Variants in KPTN observed in about 807,000 individuals in gnomAD.
KPTN encodes kaptin, actin binding protein.
KPTN carries 36 observed loss-of-function variants against 52.6 expected under a neutral mutation model. The observed-to-expected ratio is 0.68, with a 90% CI of 0.52 to 0.90. The LOEUF (loss-of-function observed/expected upper bound fraction) is 0.90. Ranked by LOEUF, KPTN falls within the 40% of genes least tolerant of loss-of-function variation. The probability of loss-of-function intolerance (pLI) is 0.00; values close to 1 mark genes in which losing one functional copy is unlikely to be tolerated. For missense variants in KPTN, 529 were observed against 576.2 expected (o/e 0.92, Z 0.84); for synonymous variants, 271 against 248.4 (o/e 1.09, Z -0.85).
Position 47,480,838 on chromosome 19 carries a change from G to A in KPTN, c.526-5C>T, listed in dbSNP as rs537044666. ...AAACTGATGCAGCCCCTCGTTCTGG[G>A]GAAACCAAGACCCACCCCACCCCCG... On this transcript the variant is annotated splice_region_variant and splice_polypyrimidine_tract_variant and intron_variant, in intron 5 of 11. Coordinates refer to ENST00000338134, the MANE Select transcript of KPTN (RefSeq NM_007059.4). 167 of 1,613,920 alleles carry A rather than the reference G, an allele frequency of 1.0e-4. 1 individual carries two copies. Among genetic ancestry groups the A allele is most frequent in the Middle Eastern group, 1.6e-4 (1 of 6,062 alleles).
intron 4 of KPTN, 117 bp from the exon 5 acceptor site, chr19:47,481,150 C>T (rs1395437026): frequency 1.3e-6 from 1 of 772,794 alleles, no homozygotes; most frequent in Non-Finnish European, 2.2e-6. Context: ...GGGATCCAGA[C>T]ACTAGACCCA....
At chr19:47,485,224 G>A (rs1048174313), upstream of KPTN, among the ~76,000 whole-genome samples, 1 of 152,088 alleles carries the variant, frequency 6.6e-6, no homozygotes, top group Non-Finnish European at 1.5e-5. Flanking sequence ...CTTTTACTAT[G>A]TGCCCGGACG....
At chr19:47,477,124 T>G (rs1967698908) in intron 9 of KPTN, among the ~76,000 whole-genome samples, 186 bp from the exon 10 acceptor site, 1 of 152,196 alleles carries the variant, frequency 6.6e-6, no homozygotes, top group South Asian at 2.1e-4. Flanking sequence ...GGTCAACCTG[T>G]GCACTCAAGC....
chr19:47,480,417 G>A lies in KPTN; in HGVS notation c.600-10C>T. On this transcript the variant is annotated splice_polypyrimidine_tract_variant and intron_variant, in intron 6 of 11. Transcript: ENST00000338134. ...GTCCAGCCAGAGGACGCTGGCGGGC[G>A]GGTGGATGGACAGGACGGACGGCCA... is the stretch of plus-strand genomic sequence containing the variant. The A allele has an allele frequency of 2.0e-6, 3 of 1,536,372 alleles. No homozygotes were observed. The highest frequency in any genetic ancestry group is 1.8e-6 in the Non-Finnish European group (2 of 1,137,872).
intron 9 of KPTN, 133 bp from the exon 10 acceptor site, chr19:47,477,071 C>T (rs947823611): frequency 3.4e-6 from 3 of 893,942 alleles, no homozygotes; most frequent in African/African-American, 3.3e-5. Flanking sequence ...GAAGCCTAGA[C>T]ATCATCATCT....
chr19:47,484,706 A>T (rs1054902212), upstream of KPTN, among the ~76,000 whole-genome samples: 24 of 129,140 alleles, frequency 1.9e-4, no homozygotes, highest in Admixed American at 4.0e-4. Flanking sequence ...ACAGTTCACT[A>T]TTTTTTTTTT....
intron 11 of KPTN, chr19:47,476,241 G>A (rs1967660681): frequency 1.4e-5 from 3 of 215,690 alleles, no homozygotes; most frequent in Non-Finnish European, 2.6e-5. Flanking sequence ...CCTGGGAGGT[G>A]GAGGTTGCAG....
intron 4 of KPTN, 85 bp downstream of exon 4, chr19:47,483,076 G>A (rs1178570423): frequency 5.5e-6 from 7 of 1,266,140 alleles, no homozygotes; most frequent in Non-Finnish European, 8.1e-6. Context: ...CAGACTACAG[G>A]GGTCTGTAAG....
At position 47,476,824 on chromosome 19, in the gene KPTN, G is replaced by A. The variant is rs1238871059; in HGVS notation, c.978C>T (p.Val326=). ...CCACCTGTCCATAGGTGGCCACCAGGACTTCTGGCCGCCCATCCAAATCCA... is the reference window on the plus strand; with the variant it reads ...CCACCTGTCCATAGGTGGCCACCAGAACTTCTGGCCGCCCATCCAAATCCA... ...TDVDLDGRPE[V]LVATYGQELL... Residue 326 remains valine, a synonymous_variant, in exon 10 of 12, where the codon GTC becomes GTT. Coordinates refer to ENST00000338134, the MANE Select transcript of KPTN (RefSeq NM_007059.4). 3.8e-6 allele frequency: 6 copies of A among 1,585,616 alleles called. No individual in the cohort carries two copies.
rs771041924 is a variant in KPTN at position 47,480,845 on chromosome 19, A to G, written c.526-12T>C. ...TGCAGCCCCTCGTTCTGGGGAAACCAAGACCCACCCCACCCCCGCTTAAGT... is the reference window on the plus strand; with the variant it reads ...TGCAGCCCCTCGTTCTGGGGAAACCGAGACCCACCCCACCCCCGCTTAAGT... On this transcript the variant is annotated splice_polypyrimidine_tract_variant and intron_variant, in intron 5 of 11. Transcript: ENST00000338134. The G allele has an allele frequency of 1.2e-6, 2 of 1,613,836 alleles. No individual in the cohort carries two copies. Among genetic ancestry groups the G allele is most frequent in the East Asian group, 2.2e-5 (1 of 44,834 alleles).
intron 11 of KPTN, 118 bp downstream of exon 11, chr19:47,476,414 C>A: frequency 1.3e-6 from 1 of 742,072 alleles, no homozygotes; most frequent in Non-Finnish European, 2.0e-6. Flanking sequence ...GGGAGTTGTC[C>A]TGACTGGTAG....
At chr19:47,485,668 T>A (rs1170823367), upstream of KPTN, among the ~76,000 whole-genome samples, 1 of 152,202 alleles carries the variant, frequency 6.6e-6, no homozygotes, top group Non-Finnish European at 1.5e-5. Flanking sequence ...AACTATGTGC[T>A]GAGCATGTAA....
At chr19:47,480,080 GC>G (rs1268250776) in intron 7 of KPTN, 140 bp from the exon 8 acceptor site, 3 of 241,056 alleles carry the variant, frequency 1.2e-5, no homozygotes, top group South Asian at 7.9e-5. Flanking sequence ...CCCTAGCCCC[GC>G]CCCCAATCCC....
chr19:47,482,532 T>C (rs1967918744), intron 4 of KPTN, among the ~76,000 whole-genome samples: 1 of 144,598 alleles, frequency 6.9e-6, no homozygotes. Flanking sequence ...AAAAAACAAA[T>C]GTAGAATCTG....
upstream of KPTN, chr19:47,484,437 G>A: frequency 1.9e-6 from 1 of 533,038 alleles, no homozygotes; most frequent in Non-Finnish European, 3.3e-6. Context: ...GGGAGGTGGT[G>A]GCCACGGCCT....
At chr19:47,485,288 G>A (rs145454982), upstream of KPTN, among the ~76,000 whole-genome samples, 2 of 152,270 alleles carry the variant, frequency 1.3e-5, no homozygotes, top group East Asian at 3.9e-4. Flanking sequence ...TCTACAAAGA[G>A]GTTTATTATC....
At chr19:47,482,904 G>A (rs1292036675) in intron 4 of KPTN, among the ~76,000 whole-genome samples, 2 of 151,960 alleles carry the variant, frequency 1.3e-5, no homozygotes, top group Non-Finnish European at 2.9e-5. Flanking sequence ...ACGGGGTTTC[G>A]CCATGTTGGC....
Position 47,480,289 on chromosome 19 carries a change from G to T in KPTN, c.709+9C>A. ...CCCACCCCTTACCCCGCCTCACCGC[G>T]GCCCTCACCTCGACTCCGCTGGTCC... On this transcript the variant is annotated intron_variant, in intron 7 of 11. Transcript: ENST00000338134. 1.5e-6 allele frequency: 2 copies of T among 1,302,380 alleles called. No individual in the cohort carries two copies. Among genetic ancestry groups the T allele is most frequent in the Non-Finnish European group, 2.0e-6 (2 of 981,332 alleles). The allele number at this position is 1,302,380 out of a possible 1,614,324, so 80.7% of individuals were successfully genotyped here.
chr19:47,482,496 G>A (rs830151), intron 4 of KPTN, among the ~76,000 whole-genome samples: 120,366 of 142,928 alleles, frequency 0.84, 51,998 homozygotes, highest in Non-Finnish European at 0.93. Context: ...AAAAAAAAAA[G>A]AAAGAAAAAA....
Sources: allele counts gnomAD v4.1 joint callset (sites outside exome capture counted in the v4.1 genomes callset), GRCh38; gene constraint gnomAD v4.1.1; transcripts MANE v1.5; gene names NCBI Gene and HGNC (gene_info 2026-07-23, HGNC 2026-07-21).